Variants in DLG5 observed in about 807,000 individuals in gnomAD.
The protein encoded by DLG5 is discs large MAGUK scaffold protein 5, also known as disks large homolog 5.
A neutral mutation model predicts 189.8 loss-of-function variants in DLG5; 48 were observed. The observed-to-expected ratio is 0.25, with a 90% CI of 0.20 to 0.32. DLG5 has a LOEUF of 0.32. Ranked by LOEUF, DLG5 falls within the 10% of genes least tolerant of loss-of-function variation. The probability of loss-of-function intolerance (pLI) is 1.00; values close to 1 mark genes in which losing one functional copy is unlikely to be tolerated. For synonymous variants in DLG5, 1,016 were observed against 1,054.1 expected, an observed-to-expected ratio of 0.96 and a Z score of 0.70; for missense variants, 2,160 against 2,544.7, an observed-to-expected ratio of 0.85 and a Z score of 3.25.
rs1391774604 is a variant in DLG5, at chr10:77,829,470, C to T, written c.2070G>A (p.Gln690=). The change falls in exon 12 of 32, where the codon CAG becomes CAA. Residue 690 remains glutamine, a synonymous_variant. Coordinates refer to ENST00000372391, the MANE Select transcript of DLG5 (RefSeq NM_004747.4). The part of the protein sequence containing the change: ...DVDLINKDKK[Q]AIKALLNGEG... ...CCCCATTGAGGAGCGCCTTGATGGC[C>T]TGCTTCTTGTCCTTGTTGATGAGGT... 6.2e-7 allele frequency: 1 copy of T among 1,614,098 alleles called. No homozygotes were observed. Among genetic ancestry groups the T allele is most frequent in the South Asian group, 1.1e-5 (1 of 91,046 alleles).
intron 14 of DLG5, among the ~76,000 whole-genome samples, chr10:77,822,543 C>T (rs1389251241): frequency 6.6e-6 from 1 of 152,144 alleles, no homozygotes; most frequent in East Asian, 1.9e-4. Flanking sequence ...ACTTGGGAGG[C>T]TGAGGCAGGA....
chr10:77,871,441 C>T (rs776727762), intron 1 of DLG5, among the ~76,000 whole-genome samples: 1 of 152,046 alleles, frequency 6.6e-6, no homozygotes, highest in Non-Finnish European at 1.5e-5. Flanking sequence ...ACCCATGCTC[C>T]ACCTCCCATA....
chr10:77,924,943 G>A (rs927431974), intron 1 of DLG5, among the ~76,000 whole-genome samples: 7 of 152,148 alleles, frequency 4.6e-5, no homozygotes, highest in African/African-American at 1.7e-4. Flanking sequence ...AATAAGTGGG[G>A]CTTTTAACAG....
chr10:77,820,076 T>A, intron 15 of DLG5, 58 bp from the exon 16 acceptor site: 1 of 1,602,524 alleles, frequency 6.2e-7, no homozygotes, highest in Non-Finnish European at 8.5e-7. Flanking sequence ...CCAGGCGCAG[T>A]GGCTCACACC....
intron 29 of DLG5, among the ~76,000 whole-genome samples, chr10:77,795,449 A>T (rs1840862308): frequency 6.6e-6 from 1 of 152,046 alleles, no homozygotes; most frequent in South Asian, 2.1e-4. Flanking sequence ...GAGTTTGCCC[A>T]CTTTCAGCAG....
intron 18 of DLG5, among the ~76,000 whole-genome samples, chr10:77,817,473 C>T (rs538520633): frequency 6.6e-6 from 1 of 152,192 alleles, no homozygotes; most frequent in Non-Finnish European, 1.5e-5. Context: ...AAGAGCCATA[C>T]AAAACAGTCC....
In DLG5 at chr10:77,791,374, C is replaced by G. The variant is rs1345522041; in HGVS notation, c.*1066G>C. 1.3e-5 allele frequency: 2 copies of G among 151,090 alleles called. No homozygotes were observed. The highest frequency in any genetic ancestry group is 1.3e-4 in the Admixed American group (2 of 15,158). 9.4% of individuals were successfully genotyped at this position (151,090 alleles called of 1,614,324 possible). A position where few individuals can be genotyped will look rare whatever the true frequency, so the allele number is the denominator to read the frequency against. On this transcript the variant is annotated 3_prime_UTR_variant, in exon 32 of 32. Transcript: ENST00000372391. ...AAAAAAAAGCCCCCAAACGAAGACA[C>G]CCACACTGAGTAGGGTGCATGCCGT... is the stretch of plus-strand genomic sequence containing the variant.
intron 27 of DLG5, among the ~76,000 whole-genome samples, chr10:77,802,269 G>C (rs564575367): frequency 6.6e-6 from 1 of 152,312 alleles, no homozygotes; most frequent in East Asian, 1.9e-4. Flanking sequence ...TACACAAAGA[G>C]AGCCAGGGAC....
chr10:77,830,381 A>G, intron 10 of DLG5, 37 bp from the exon 11 acceptor site: 1 of 1,613,736 alleles, frequency 6.2e-7, no homozygotes, highest in Non-Finnish European at 8.5e-7. Flanking sequence ...CATTTCACAA[A>G]GCAGTGACAG....
At chr10:77,794,320 C>T (rs1202998544) in intron 30 of DLG5, among the ~76,000 whole-genome samples, 2 of 152,246 alleles carry the variant, frequency 1.3e-5, no homozygotes, top group East Asian at 3.8e-4. Flanking sequence ...GGCCCCCCAG[C>T]ACACACACTT....
At chr10:77,836,582 G>A (rs1434168316) in intron 7 of DLG5, among the ~76,000 whole-genome samples, 2 of 152,114 alleles carry the variant, frequency 1.3e-5, no homozygotes, top group African/African-American at 4.8e-5. Context: ...CCAGACAGCA[G>A]GAGACAGCAG....
At chr10:77,847,989 G>A (rs2154576513) in intron 5 of DLG5, among the ~76,000 whole-genome samples, 1 of 152,318 alleles carries the variant, frequency 6.6e-6, no homozygotes, top group East Asian at 1.9e-4. Flanking sequence ...TTACAGGCGT[G>A]AGCCCTGAGC....
At position 77,812,357 on chromosome 10, in the gene DLG5, C is replaced by T. The variant is rs762391739; in HGVS notation, c.4046G>A (p.Arg1349His). Residue 1349 changes from arginine to histidine, a missense_variant, in exon 21 of 32, where the codon CGC becomes CAC. Physicochemically the swap from Arg to His is conservative, Grantham distance 29. This residue lies in a region of DLG5 where 754 missense variants were observed against 746.5 expected (regional missense o/e 1.01). Transcript: ENST00000372391. Reference protein sequence around the residue: ...RKDRPYVEEPRHVKVQKGSEP... With the variant: ...RKDRPYVEEPHHVKVQKGSEP... ...TGAGCCCTTCTGCACCTTCACGTGG[C>T]GTGGCTCCTCCACATAAGGCCTAAG... 2 of 1,613,094 alleles carry T rather than the reference C, an allele frequency of 1.2e-6. No individual in the cohort carries two copies. Among genetic ancestry groups the T allele is most frequent in the East Asian group, 2.2e-5 (1 of 44,818 alleles).
At chr10:77,862,445 A>T (rs1844508516) in intron 2 of DLG5, among the ~76,000 whole-genome samples, 2 of 152,224 alleles carry the variant, frequency 1.3e-5, no homozygotes, top group Non-Finnish European at 2.9e-5. Context: ...AAGCAATGCC[A>T]CCAAATGCTG....
intron 1 of DLG5, among the ~76,000 whole-genome samples, chr10:77,896,403 T>A (rs1424155413): frequency 6.6e-6 from 1 of 152,204 alleles, no homozygotes; most frequent in Non-Finnish European, 1.5e-5. Context: ...GGTCTAATAA[T>A]GGTGGTGTGT....
In DLG5 at chr10:77,842,019, C is replaced by A. The variant is rs1466932395; in HGVS notation, c.1299G>T (p.Lys433Asn). The A allele has an allele frequency of 6.2e-6, 10 of 1,614,096 alleles. No individual in the cohort carries two copies. Among genetic ancestry groups the A allele is most frequent in the Non-Finnish European group, 8.5e-6 (10 of 1,180,056 alleles). Residue 433 changes from lysine to asparagine, a missense_variant, in exon 7 of 32, where the codon AAG becomes AAT. Coordinates refer to ENST00000372391, the MANE Select transcript of DLG5 (RefSeq NM_004747.4). ...CCTGGTCACGCTCACTCATGATGAGCTTGTACTCGCTGTACACAGCGTCCC... is the reference window on the plus strand; with the variant it reads ...CCTGGTCACGCTCACTCATGATGAGATTGTACTCGCTGTACACAGCGTCCC... ...EERDAVYSEYKLIMSERDQVI... is the reference protein window; with the variant it reads ...EERDAVYSEYNLIMSERDQVI...
At position 77,821,980 on chromosome 10, in the gene DLG5, A is replaced by C; in HGVS notation, c.2504T>G (p.Leu835Trp). Residue 835 changes from leucine (L) to tryptophan (W), a missense_variant, in exon 15 of 32, where the codon TTG becomes TGG. Leu to Trp is a moderately conservative substitution (Grantham distance 61, BLOSUM62 -2). Coordinates refer to ENST00000372391, the MANE Select transcript of DLG5 (RefSeq NM_004747.4). ...CTGCGTGGAGTTATTGTGCTGTATC[A>C]AGTTCCGTTTGTTATGAGCCTGGAC... ...PEVQAHNKRN[L>W]IQHNNSTQTD... 1.2e-6 allele frequency: 2 copies of C among 1,614,244 alleles called. No individual in the cohort carries two copies. Among genetic ancestry groups the C allele is most frequent in the South Asian group, 2.2e-5 (2 of 91,090 alleles).
intron 3 of DLG5, 111 bp downstream of exon 3, chr10:77,856,619 C>G (rs1000355632): frequency 3.8e-5 from 53 of 1,382,650 alleles, no homozygotes; most frequent in Non-Finnish European, 5.0e-5. Flanking sequence ...GACACTCAGG[C>G]AGCGCAGCCT....
At chr10:77,869,984 G>C (rs920514066) in intron 1 of DLG5, among the ~76,000 whole-genome samples, 2 of 152,106 alleles carry the variant, frequency 1.3e-5, no homozygotes, top group Non-Finnish European at 2.9e-5. Context: ...AGTTCAACCA[G>C]ATGGCTTATA....
Sources: gnomAD v4.1 joint callset for allele counts (sites outside exome capture counted in the v4.1 genomes callset) on GRCh38, gnomAD v4.1.1 for gene constraint, gnomAD v4.1.1 regional missense constraint, MANE v1.5 for transcripts, NCBI Gene and HGNC (gene_info 2026-07-23, HGNC 2026-07-21) for gene names.